The following GRM7 variants were observed in gnomAD, a reference collection of about 807,000 sequenced individuals.
The protein encoded by GRM7 is metabotropic glutamate receptor 7.
A neutral mutation model predicts 84.5 loss-of-function variants in GRM7; 35 were observed. The observed-to-expected ratio is 0.41, with a 90% CI of 0.32 to 0.55. GRM7 has a LOEUF of 0.55. GRM7 is among the 20% of genes least tolerant of loss of function. The probability of loss-of-function intolerance (pLI) is 0.19; values close to 1 mark genes in which losing one functional copy is unlikely to be tolerated. For missense variants in GRM7, 1,003 were observed against 1,194.6 expected, an observed-to-expected ratio of 0.84 and a Z score of 2.36; for synonymous variants, 487 against 455.1, an observed-to-expected ratio of 1.07 and a Z score of -0.89.
intron 1 of GRM7, among the ~76,000 whole-genome samples, chr3:6,895,634 A>T (rs1352816690): frequency 1.3e-5 from 2 of 152,178 alleles, no homozygotes; most frequent in Non-Finnish European, 2.9e-5. Flanking sequence ...AGTCCTTCAG[A>T]ATCTATCTCA....
In GRM7 at chr3:7,467,655, A is replaced by G. The variant is rs542333282; in HGVS notation, c.1515+5933A>G. Among the ~76,000 whole-genome samples, 334 of 151,242 alleles carry G rather than the reference A, an allele frequency of 2.2e-3. 2 individuals carry two copies. Among genetic ancestry groups the G allele is most frequent in the Middle Eastern group, 6.8e-3 (2 of 294 alleles). On this transcript the variant is annotated intron_variant, in intron 7 of 9. Coordinates refer to ENST00000357716, the MANE Select transcript of GRM7 (RefSeq NM_000844.4). ...AGAGAACTCAAAACTTGAAAAGAAA[A>G]ACTAGATCTAGGTCATATTGTTTGT...
intron 1 of GRM7, among the ~76,000 whole-genome samples, chr3:7,006,032 C>G (rs1695172555): frequency 6.6e-6 from 1 of 152,128 alleles, no homozygotes; most frequent in East Asian, 1.9e-4. Flanking sequence ...TATAATGCCT[C>G]AAAAGAAAAA....
At chr3:7,299,106 A>G (rs1343111830) in intron 3 of GRM7, among the ~76,000 whole-genome samples, 1 of 152,220 alleles carries the variant, frequency 6.6e-6, no homozygotes, top group Non-Finnish European at 1.5e-5. Context: ...TTTTCCAAAT[A>G]TATTAATAAC....
At chr3:7,554,759 A>G (rs779719) in intron 7 of GRM7, among the ~76,000 whole-genome samples, 107,660 of 152,136 alleles carry the variant, frequency 0.71, 38,510 homozygotes, top group African/African-American at 0.79. Context: ...TCCCTTCTCT[A>G]TAATCAGCAG....
chr3:7,319,947 C>G (rs1301790446), intron 4 of GRM7, among the ~76,000 whole-genome samples: 3 of 151,984 alleles, frequency 2.0e-5, no homozygotes, highest in East Asian at 3.9e-4. Flanking sequence ...CTACACAAAT[C>G]AAGACATAAA....
intron 1 of GRM7, among the ~76,000 whole-genome samples, chr3:6,865,453 T>C (rs944643784): frequency 6.6e-6 from 1 of 152,120 alleles, no homozygotes; most frequent in Non-Finnish European, 1.5e-5. Context: ...TAAATTACCC[T>C]TGCTACATTC....
rs1694817359 is a variant in GRM7, at chr3:6,863,082, C to G, written c.519+1175C>G. On this transcript the variant is annotated intron_variant, in intron 1 of 9. Transcript: ENST00000357716. This position sits in a 1 kb window ranked among gnomAD's most constrained non-coding sequence, Gnocchi z 4.8. ...TAGGTTCCCTCCTCTGTGTCTTTCCCTATATGTGCATCACTCTCTCTTTCT... is the reference window on the plus strand; with the variant it reads ...TAGGTTCCCTCCTCTGTGTCTTTCCGTATATGTGCATCACTCTCTCTTTCT... 2.3e-6 allele frequency: 1 copy of G among 437,342 alleles called. No individual in the cohort carries two copies. Among genetic ancestry groups the G allele is most frequent in the Non-Finnish European group, 4.5e-6 (1 of 220,188 alleles). The allele number at this position is 437,342 out of a possible 1,614,324, so 27.1% of individuals were successfully genotyped here. A position where few individuals can be genotyped will look rare whatever the true frequency, so the allele number is the denominator to read the frequency against.
intron 1 of GRM7, among the ~76,000 whole-genome samples, chr3:6,993,273 G>A (rs1694712053): frequency 6.6e-6 from 1 of 152,110 alleles, no homozygotes; most frequent in African/African-American, 2.4e-5. Context: ...TGGGAATTAT[G>A]GGAACTACAA....
At chr3:7,195,997 T>C (rs1695866368) in intron 2 of GRM7, among the ~76,000 whole-genome samples, 1 of 152,040 alleles carries the variant, frequency 6.6e-6, no homozygotes, top group Non-Finnish European at 1.5e-5. Context: ...CTATCTCTTA[T>C]CTAGCTAGTT....
At position 7,358,740 on chromosome 3, in the gene GRM7, T is replaced by G. The variant is rs1693520523; in HGVS notation, c.1033+52088T>G. On this transcript the variant is annotated intron_variant, in intron 4 of 9. Transcript: ENST00000357716. Reference sequence around the variant, plus strand: ...AAGCTTCTCTTTTGAATACATATTATTTTTTATAGGTGACTGCCCCTTTTC... The same window carrying G: ...AAGCTTCTCTTTTGAATACATATTAGTTTTTATAGGTGACTGCCCCTTTTC... 3.3e-5 allele frequency among the ~76,000 whole-genome samples: 5 copies of G among 151,792 alleles called. 1 individual carries two copies. The highest frequency in any genetic ancestry group is 4.9e-5 in the African/African-American group (2 of 41,190).
At chr3:7,046,990 T>C (rs930512707) in intron 1 of GRM7, among the ~76,000 whole-genome samples, 1 of 151,994 alleles carries the variant, frequency 6.6e-6, no homozygotes, top group African/African-American at 2.4e-5. Flanking sequence ...AAGGGGATAT[T>C]TGTTAAATAC....
rs186926317 is a variant in GRM7 at position 7,227,176 on chromosome 3, T to C, written c.737-71508T>C. On this transcript the variant is annotated intron_variant, in intron 2 of 9. Transcript: ENST00000357716. ...ACTTGAATGTAATATAGTAACCATT[T>C]TTCTATAGTAGATAGAATTTCTTTT... is the stretch of plus-strand genomic sequence containing the variant. Among the ~76,000 whole-genome samples the C allele has an allele frequency of 2.4e-4, 37 of 152,370 alleles. No homozygotes were observed. In the East Asian group the frequency reaches 7.1e-3, roughly 29 times the overall value.
intron 1 of GRM7, among the ~76,000 whole-genome samples, chr3:7,105,951 T>C (rs1045835349): frequency 1.3e-5 from 2 of 151,892 alleles, no homozygotes; most frequent in African/African-American, 4.8e-5. Flanking sequence ...TATATTGGTA[T>C]TTATTGATAC....
At position 6,904,638 on chromosome 3, in the gene GRM7, A is replaced by G. The variant is rs574960835; in HGVS notation, c.519+42731A>G. On this transcript the variant is annotated intron_variant, in intron 1 of 9. Coordinates refer to ENST00000357716, the MANE Select transcript of GRM7 (RefSeq NM_000844.4). ...GTACTTCCTATCTTTATATAGTTCT[A>G]TTTCTAGACCATCTGTTTAGTTGCA... is the stretch of plus-strand genomic sequence containing the variant. 2.6e-5 allele frequency among the ~76,000 whole-genome samples: 4 copies of G among 151,926 alleles called. No homozygotes were observed. In the East Asian group the frequency reaches 7.7e-4, roughly 29 times the overall value.
chr3:6,975,610 A>T (rs868090686), intron 1 of GRM7, among the ~76,000 whole-genome samples: 9 of 152,214 alleles, frequency 5.9e-5, no homozygotes, highest in African/African-American at 2.2e-4. Flanking sequence ...TTGAAGTTTA[A>T]AAAACAATGC....
At chr3:7,552,861 G>A (rs554638291) in intron 7 of GRM7, among the ~76,000 whole-genome samples, 19 of 152,332 alleles carry the variant, frequency 1.2e-4, no homozygotes, top group Middle Eastern at 3.4e-3. Flanking sequence ...TTTCCACATT[G>A]TCTTGGTGAT....
chr3:7,409,597 T>C (rs990884212), intron 4 of GRM7, among the ~76,000 whole-genome samples: 20 of 151,846 alleles, frequency 1.3e-4, no homozygotes, highest in African/African-American at 4.6e-4. Context: ...TGTTTTGTTT[T>C]GTTTTGTTTT....
chr3:7,187,752 T>C (rs1695570334), intron 2 of GRM7, among the ~76,000 whole-genome samples: 1 of 152,186 alleles, frequency 6.6e-6, no homozygotes, highest in Admixed American at 6.5e-5. Context: ...GTCATTGACA[T>C]GGAAAAGGGC....
At chr3:7,116,204 A>G (rs369466433) in intron 1 of GRM7, among the ~76,000 whole-genome samples, 1 of 152,158 alleles carries the variant, frequency 6.6e-6, no homozygotes, top group African/African-American at 2.4e-5. Context: ...GTTGGTAGTT[A>G]TTAGGCTTAG....
Sources: allele counts gnomAD v4.1 joint callset (sites outside exome capture counted in the v4.1 genomes callset), GRCh38; gene constraint gnomAD v4.1.1; non-coding constraint Gnocchi (gnomAD v3.1); transcripts MANE v1.5; gene names NCBI Gene and HGNC (gene_info 2026-07-23, HGNC 2026-07-21).